TRIO: variants seen among roughly 807,000 people sequenced by gnomAD.
TRIO encodes trio Rho guanine nucleotide exchange factor.
In TRIO, 58 loss-of-function variants were observed where a neutral mutation model predicts 351.9. That is an observed-to-expected ratio of 0.16 (90% CI 0.13 to 0.21). TRIO has a LOEUF of 0.21. Ranked by LOEUF, TRIO falls within the 10% of genes least tolerant of loss-of-function variation. The pLI is 1.00. For synonymous variants in TRIO, 1,758 were observed against 1,595.7 expected, an observed-to-expected ratio of 1.10 and a Z score of -2.42; for missense variants, 3,201 against 4,027.8, an observed-to-expected ratio of 0.79 and a Z score of 5.56.
chr5:14,180,100 C>CAAA (rs70964542), intron 1 of TRIO, among the ~76,000 whole-genome samples: 3,674 of 27,722 alleles, frequency 0.13, 673 homozygotes, highest in Middle Eastern at 0.23. Flanking sequence ...GACTCCTGCT[C>CAAA]AAAAAAAAAA....
At chr5:14,217,656 C>G (rs1792307290) in intron 1 of TRIO, among the ~76,000 whole-genome samples, 1 of 152,118 alleles carries the variant, frequency 6.6e-6, no homozygotes, top group African/African-American at 2.4e-5. Context: ...GAGAAAATGG[C>G]TAGGGTAAGT....
At chr5:14,153,547 G>T in intron 1 of TRIO, among the ~76,000 whole-genome samples, 1 of 152,134 alleles carries the variant, frequency 6.6e-6, no homozygotes, top group Admixed American at 6.5e-5. Flanking sequence ...CCTGTACTTT[G>T]CCAGGCACTG....
At position 14,410,267 on chromosome 5, in the gene TRIO, CGTGTGCCT is replaced by C. The variant is rs577337132; in HGVS notation, c.4959+3597_4959+3604del. 7.9e-5 allele frequency among the ~76,000 whole-genome samples: 12 copies of C among 152,290 alleles called. No individual in the cohort carries two copies. The South Asian group carries it at 2.3e-3, about 29-fold the overall frequency. ...CAAGAAGGTGCACGTTTGCTGCCCA[CGTGTGCCT>C]GCGTTTGTGTGTGCTCTGCTTATGT... On this transcript the variant is annotated intron_variant, in intron 33 of 56. Coordinates refer to ENST00000344204, the MANE Select transcript of TRIO (RefSeq NM_007118.4).
At chr5:14,172,161 T>A (rs892398520) in intron 1 of TRIO, among the ~76,000 whole-genome samples, 1 of 152,218 alleles carries the variant, frequency 6.6e-6, no homozygotes, top group Non-Finnish European at 1.5e-5. Flanking sequence ...TTACTTTTGC[T>A]TGAAGTCAGT....
chr5:14,385,228 A>T (rs1202265751), intron 21 of TRIO, among the ~76,000 whole-genome samples: 1 of 152,202 alleles, frequency 6.6e-6, no homozygotes, highest in East Asian at 1.9e-4. Context: ...CAGCAGTTCC[A>T]GGTCTCACAA....
chr5:14,427,587 C>T (rs1328755001), intron 34 of TRIO, among the ~76,000 whole-genome samples: 1 of 152,182 alleles, frequency 6.6e-6, no homozygotes, highest in Non-Finnish European at 1.5e-5. Context: ...ACTGGCCCAC[C>T]CAGGGCAGTT....
At chr5:14,503,122 CAG>C (rs1160008785) in intron 54 of TRIO, among the ~76,000 whole-genome samples, 2 of 152,278 alleles carry the variant, frequency 1.3e-5, no homozygotes, top group African/African-American at 4.8e-5. Context: ...GCAGCCGAGT[CAG>C]GGGTGGCCCA....
intron 55 of TRIO, among the ~76,000 whole-genome samples, chr5:14,506,318 C>G (rs927983812): frequency 6.6e-6 from 1 of 152,240 alleles, no homozygotes; most frequent in African/African-American, 2.4e-5. Context: ...TACTCCTGTT[C>G]TCACCGGCGA....
chr5:14,220,688 C>G (rs753441930), intron 1 of TRIO, among the ~76,000 whole-genome samples: 1 of 152,202 alleles, frequency 6.6e-6, no homozygotes, highest in Non-Finnish European at 1.5e-5. Context: ...ATCTAGCCAG[C>G]CACAGCATTC....
intron 1 of TRIO, among the ~76,000 whole-genome samples, chr5:14,226,641 A>G (rs759649209): frequency 6.6e-6 from 1 of 152,236 alleles, no homozygotes; most frequent in African/African-American, 2.4e-5. Flanking sequence ...TGGAATTTCT[A>G]ATAATCACAA....
At chr5:14,256,338 C>T (rs1373939541) in intron 1 of TRIO, among the ~76,000 whole-genome samples, 1 of 152,160 alleles carries the variant, frequency 6.6e-6, no homozygotes, top group African/African-American at 2.4e-5. Flanking sequence ...TCCCACCACG[C>T]CCCACCTCCA....
At chr5:14,408,979 C>T (rs993027186) in intron 33 of TRIO, among the ~76,000 whole-genome samples, 1 of 151,904 alleles carries the variant, frequency 6.6e-6, no homozygotes, top group Non-Finnish European at 1.5e-5. Context: ...GCAAGGATAA[C>T]TTGTTTCCTC....
chr5:14,364,224 A>G (rs1744403544), intron 14 of TRIO, among the ~76,000 whole-genome samples: 1 of 152,192 alleles, frequency 6.6e-6, no homozygotes, highest in Non-Finnish European at 1.5e-5. Context: ...ACATTTTCAC[A>G]TTCTTTATTT....
intron 21 of TRIO, 193 bp from the exon 22 acceptor site, chr5:14,387,245 C>G: frequency 3.9e-6 from 2 of 512,944 alleles, no homozygotes; most frequent in South Asian, 8.1e-5. Flanking sequence ...TTCGTTGTAG[C>G]AGAGCTGAGG....
At chr5:14,459,942 G>GT (rs1753645121) in intron 34 of TRIO, among the ~76,000 whole-genome samples, 1 of 151,742 alleles carries the variant, frequency 6.6e-6, no homozygotes, top group African/African-American at 2.4e-5. Flanking sequence ...TGGGGATGCA[G>GT]TTTCGCTCTG....
At chr5:14,493,944 A>G (rs573689819) in intron 49 of TRIO, among the ~76,000 whole-genome samples, 40 of 152,326 alleles carry the variant, frequency 2.6e-4, no homozygotes, top group African/African-American at 9.1e-4. Flanking sequence ...CCAACCCAGA[A>G]CAAGGCTCCA....
chr5:14,503,202 G>A (rs1219139003), intron 54 of TRIO, among the ~76,000 whole-genome samples: 1 of 152,224 alleles, frequency 6.6e-6, no homozygotes, highest in African/African-American at 2.4e-5. Flanking sequence ...ACACATTCAG[G>A]TGTTGTGTCC....
intron 1 of TRIO, among the ~76,000 whole-genome samples, chr5:14,245,269 ATTAG>A (rs1185849244): frequency 6.6e-6 from 1 of 152,216 alleles, no homozygotes; most frequent in Non-Finnish European, 1.5e-5. Context: ...CAGTTTCTCC[ATTAG>A]TAAACCCTAG....
rs558847907 is a variant in TRIO at position 14,211,141 on chromosome 5, T to A, written c.158-59684T>A. Reference sequence around the variant, plus strand: ...CTTTACCTTCTTCTGACTTTCCAATTAGAACAGTAAGTTATAGTTAGATCA... The same window carrying A: ...CTTTACCTTCTTCTGACTTTCCAATAAGAACAGTAAGTTATAGTTAGATCA... On this transcript the variant is annotated intron_variant, in intron 1 of 56. Coordinates refer to ENST00000344204, the MANE Select transcript of TRIO (RefSeq NM_007118.4). 1.6e-4 allele frequency among the ~76,000 whole-genome samples: 24 copies of A among 152,308 alleles called. No homozygotes were observed. The South Asian group carries it at 2.9e-3, about 18-fold the overall frequency.
Sources: gnomAD v4.1 joint callset for allele counts (sites outside exome capture counted in the v4.1 genomes callset) on GRCh38, gnomAD v4.1.1 for gene constraint, MANE v1.5 for transcripts, NCBI Gene and HGNC (gene_info 2026-07-23, HGNC 2026-07-21) for gene names.